Variants in PLS1 observed in about 807,000 individuals in gnomAD.
PLS1 encodes the protein plastin-1.
In PLS1, 32 loss-of-function variants were observed where a neutral mutation model predicts 73.7. That is an observed-to-expected ratio of 0.43 (90% CI 0.33 to 0.58). PLS1 has a LOEUF of 0.58. Among genes scored for constraint, PLS1 ranks in the 20% least tolerant of loss-of-function variants. PLS1 has a pLI of 0.04. For synonymous variants in PLS1, 217 were observed against 261.3 expected, an observed-to-expected ratio of 0.83 and a Z score of 1.63; for missense variants, 633 against 740.5, an observed-to-expected ratio of 0.85 and a Z score of 1.68.
rs776545390 is a variant in PLS1, at chr3:142,704,440, A to AAT, written c.1506-19_1506-18dup. ...GCAAATTTCACCCTTTTCAGTCTCAAATATACATCTTTTCTGTTGCAGGTA... is the reference window on the plus strand; with the variant it reads ...GCAAATTTCACCCTTTTCAGTCTCAAATATATACATCTTTTCTGTTGCAGGTA... On this transcript the variant is annotated intron_variant, in intron 13 of 15. Coordinates refer to ENST00000457734, the MANE Select transcript of PLS1 (RefSeq NM_001145319.2). 5.7e-6 allele frequency: 9 copies of AAT among 1,585,886 alleles called. No homozygotes were observed. The East Asian group carries it at 2.0e-4, about 36-fold the overall frequency.
intron 1 of PLS1, among the ~76,000 whole-genome samples, chr3:142,610,775 G>A (rs7627590): frequency 6.6e-4 from 101 of 152,254 alleles, no homozygotes; most frequent in African/African-American, 2.2e-3. Flanking sequence ...GCTCTTGGTT[G>A]TTTGAGCACA....
At chr3:142,707,033 T>C (rs1037687931) in intron 14 of PLS1, among the ~76,000 whole-genome samples, 10 of 152,134 alleles carry the variant, frequency 6.6e-5, no homozygotes, top group African/African-American at 2.2e-4. Context: ...TGGGAGTGCA[T>C]AAACCTTTTA....
chr3:142,600,619 GCATTTTGCAAATCATAGC>G (rs947648363), intron 1 of PLS1, among the ~76,000 whole-genome samples: 3 of 152,018 alleles, frequency 2.0e-5, no homozygotes, highest in African/African-American at 7.2e-5. Context: ...AACAGATGTT[GCATTTTGCAAATCATAGC>G]CATTTTGCAA....
chr3:142,713,240 C>G lies in PLS1; in HGVS notation c.*1233C>G, dbSNP rs545615083. The stretch of plus-strand genomic sequence containing the variant: ...GCTGCTAACAATTGAATCCAGAAAT[C>G]TACTTTCTCCATCTTCCACTGTTAG... On this transcript the variant is annotated 3_prime_UTR_variant, in exon 16 of 16. Transcript: ENST00000457734. 1 of 152,700 alleles carries G rather than the reference C, an allele frequency of 6.5e-6. No homozygotes were observed. The highest frequency in any genetic ancestry group is 2.4e-5 in the African/African-American group (1 of 41,560). 9.5% of individuals were successfully genotyped at this position (152,700 alleles called of 1,614,324 possible).
chr3:142,707,432 C>T (rs150353242), intron 14 of PLS1, among the ~76,000 whole-genome samples: 233 of 152,300 alleles, frequency 1.5e-3, no homozygotes, highest in African/African-American at 5.3e-3. Flanking sequence ...TTGAGTCCTT[C>T]GTGTCACTAT....
intron 15 of PLS1, 98 bp downstream of exon 15, chr3:142,711,723 T>A: frequency 1.5e-6 from 2 of 1,294,282 alleles, no homozygotes; most frequent in Non-Finnish European, 2.1e-6. Context: ...TATTTTTAAA[T>A]ATAACTTATA....
At chr3:142,647,724 G>A (rs1057386883) in intron 1 of PLS1, among the ~76,000 whole-genome samples, 2 of 152,080 alleles carry the variant, frequency 1.3e-5, no homozygotes, top group Middle Eastern at 3.4e-3. Context: ...GACTGGTCTC[G>A]AACTCCTGAC....
chr3:142,615,549 T>C (rs2036199771), intron 1 of PLS1, among the ~76,000 whole-genome samples: 1 of 152,158 alleles, frequency 6.6e-6, no homozygotes, highest in Admixed American at 6.5e-5. Context: ...GAGTTTGAAA[T>C]GTCAACTTTA....
chr3:142,692,434 C>T (rs770337525), intron 10 of PLS1, among the ~76,000 whole-genome samples: 1 of 152,088 alleles, frequency 6.6e-6, no homozygotes, highest in Admixed American at 6.5e-5. Flanking sequence ...ATTTTCCAAT[C>T]TGGAACACAT....
intron 1 of PLS1, among the ~76,000 whole-genome samples, chr3:142,658,629 A>G (rs1054990997): frequency 2.6e-5 from 4 of 152,250 alleles, no homozygotes; most frequent in African/African-American, 7.2e-5. Context: ...CATAAGCAAC[A>G]TATATAGTAT....
At chr3:142,648,074 G>T (rs150243875) in intron 1 of PLS1, among the ~76,000 whole-genome samples, 240 of 152,308 alleles carry the variant, frequency 1.6e-3, no homozygotes, top group African/African-American at 5.5e-3. Flanking sequence ...TCAGGTCTGT[G>T]TGTGAGTCAC....
At chr3:142,655,130 C>T (rs2037194252) in intron 1 of PLS1, among the ~76,000 whole-genome samples, 1 of 151,848 alleles carries the variant, frequency 6.6e-6, no homozygotes, top group South Asian at 2.1e-4. Context: ...CAACACATAA[C>T]CAAGAATAAA....
At chr3:142,693,309 A>G (rs1379082414) in intron 10 of PLS1, among the ~76,000 whole-genome samples, 2 of 152,152 alleles carry the variant, frequency 1.3e-5, no homozygotes, top group African/African-American at 4.8e-5. Flanking sequence ...TTGCGTTCCT[A>G]TCATGGGTGT....
At chr3:142,704,291 A>T (rs747206632) in intron 13 of PLS1, among the ~76,000 whole-genome samples, 172 bp from the exon 14 acceptor site, 15 of 152,182 alleles carry the variant, frequency 9.9e-5, no homozygotes, top group Non-Finnish European at 2.1e-4. Context: ...TTTGTTTCTG[A>T]TTAATGAGGT....
At chr3:142,599,750 T>TTTTA (rs146404693) in intron 1 of PLS1, among the ~76,000 whole-genome samples, 5 of 151,510 alleles carry the variant, frequency 3.3e-5, no homozygotes, top group African/African-American at 4.9e-5. Context: ...CCACGATTAT[T>TTTTA]TTTATTTATT....
At chr3:142,654,777 A>C (rs1404499459) in intron 1 of PLS1, 1 of 152,240 alleles carries the variant, frequency 6.6e-6, no homozygotes, top group East Asian at 1.9e-4. Context: ...AGGTACAGCA[A>C]ACAAGTGCTC....
chr3:142,606,602 C>T (rs577339317), intron 1 of PLS1, among the ~76,000 whole-genome samples: 1 of 152,302 alleles, frequency 6.6e-6, no homozygotes, highest in East Asian at 1.9e-4. Flanking sequence ...TCTACTACCT[C>T]CTCCCCAGCT....
chr3:142,681,241 G>A (rs761813953), intron 6 of PLS1, among the ~76,000 whole-genome samples: 15 of 151,760 alleles, frequency 9.9e-5, no homozygotes, highest in African/African-American at 2.7e-4. Context: ...AAATGTATAC[G>A]ATAGTAAGAA....
chr3:142,693,738 C>T (rs1275197545), intron 10 of PLS1, among the ~76,000 whole-genome samples: 1 of 152,010 alleles, frequency 6.6e-6, no homozygotes, highest in Non-Finnish European at 1.5e-5. Context: ...AGGGAATGCT[C>T]AGGGAGGTAT....
Sources: allele counts gnomAD v4.1 joint callset (sites outside exome capture counted in the v4.1 genomes callset), GRCh38; gene constraint gnomAD v4.1.1; transcripts MANE v1.5; gene names NCBI Gene and HGNC (gene_info 2026-07-23, HGNC 2026-07-21).